LRRC74A: variants seen among roughly 807,000 people sequenced by gnomAD.
The protein encoded by LRRC74A is leucine-rich repeat-containing protein 74A.
In LRRC74A, 44 loss-of-function variants were observed where a neutral mutation model predicts 57.9. That is an observed-to-expected ratio of 0.76 (90% CI 0.60 to 0.98). The LOEUF is 0.98. Among genes scored for constraint, LRRC74A ranks in the 50% least tolerant of loss-of-function variants. The pLI is 0.00. For missense variants in LRRC74A, 572 were observed against 574.0 expected, an observed-to-expected ratio of 1.00 and a Z score of 0.04; for synonymous variants, 211 against 219.4, an observed-to-expected ratio of 0.96 and a Z score of 0.34.
intron 5 of LRRC74A, among the ~76,000 whole-genome samples, chr14:76,841,327 CCA>C (rs1388575319): frequency 6.6e-6 from 1 of 152,238 alleles, no homozygotes; most frequent in Non-Finnish European, 1.5e-5. Flanking sequence ...CAGGCATGAG[CCA>C]CTGTGCCCAG....
rs1349578837 is a variant in LRRC74A, at chr14:76,864,418, G to C, written c.1201-1550G>C. Among the ~76,000 whole-genome samples, 9 of 125,628 alleles carry C rather than the reference G, an allele frequency of 7.2e-5. 1 individual carries two copies. In the East Asian group the frequency reaches 1.6e-3, roughly 23 times the overall value. The allele number at this position is 125,628 out of a possible 152,430, so 82.4% of individuals were successfully genotyped here. Reference sequence around the variant, plus strand: ...TTCTGAGAGTGAGAGGAAGGGGGGGGGGGGGTGGCGGGGGGAAGGGGGGTG... The same window carrying C: ...TTCTGAGAGTGAGAGGAAGGGGGGGCGGGGGTGGCGGGGGGAAGGGGGGTG... On this transcript the variant is annotated intron_variant, in intron 11 of 13. Transcript: ENST00000689127.
intron 2 of LRRC74A, chr14:76,829,179 C>T (rs1022638952): frequency 1.6e-6 from 2 of 1,289,250 alleles, no homozygotes; most frequent in Non-Finnish European, 2.0e-6. Flanking sequence ...CCTCAAACTT[C>T]CCAGGCCAAG....
intron 4 of LRRC74A, among the ~76,000 whole-genome samples, chr14:76,837,202 A>G (rs866620627): frequency 6.6e-6 from 1 of 152,242 alleles, no homozygotes; most frequent in Admixed American, 6.5e-5. Flanking sequence ...TCTTAAAGAA[A>G]GTAAAGACAT....
chr14:76,853,925 T>A (rs1232346546), intron 9 of LRRC74A, among the ~76,000 whole-genome samples: 1 of 152,108 alleles, frequency 6.6e-6, no homozygotes, highest in Non-Finnish European at 1.5e-5. Context: ...GCCCTCAGAA[T>A]GTGCTTTTTG....
At position 76,844,565 on chromosome 14, in the gene LRRC74A, T is replaced by C. The variant is rs569580965; in HGVS notation, c.594+93T>C. ...TGCTATGGGCACAGTAACGTGAGGC[T>C]ACTTTCACATGTTAGGGACTGGGGA... is the stretch of plus-strand genomic sequence containing the variant. On this transcript the variant is annotated intron_variant, in intron 6 of 13. Coordinates refer to ENST00000689127, the MANE Select transcript of LRRC74A (RefSeq NM_001385106.1). 57 of 1,286,362 alleles carry C rather than the reference T, an allele frequency of 4.4e-5. No individual in the cohort carries two copies. In the Admixed American group the frequency reaches 9.4e-4, roughly 21 times the overall value. 79.7% of individuals were successfully genotyped at this position (1,286,362 alleles called of 1,614,324 possible).
At chr14:76,851,968 C>T (rs529599733) in intron 7 of LRRC74A, among the ~76,000 whole-genome samples, 6 of 152,134 alleles carry the variant, frequency 3.9e-5, no homozygotes, top group South Asian at 2.1e-4. Flanking sequence ...CTGGCTAATT[C>T]TTACTTTTAT....
intron 11 of LRRC74A, among the ~76,000 whole-genome samples, chr14:76,861,897 G>C (rs1898342463): frequency 6.6e-6 from 1 of 152,228 alleles, no homozygotes; most frequent in Admixed American, 6.5e-5. Context: ...CAGTGGGTCT[G>C]CTCTGTGCCT....
chr14:76,860,590 AACTTCCTG>A (rs142597491), intron 10 of LRRC74A, 95 bp from the exon 11 acceptor site: 18,998 of 1,213,114 alleles, frequency 0.016, 916 homozygotes, highest in East Asian at 0.12. Context: ...GAAGAGACAA[AACTTCCTG>A]ACTTTGGCTT....
At chr14:76,859,204 T>C (rs891532651) in intron 10 of LRRC74A, among the ~76,000 whole-genome samples, 2 of 152,098 alleles carry the variant, frequency 1.3e-5, no homozygotes, top group East Asian at 3.9e-4. Flanking sequence ...TTGGAAGGCA[T>C]GGACCCAGGC....
intron 3 of LRRC74A, among the ~76,000 whole-genome samples, chr14:76,835,598 AC>A (rs1896271984): frequency 6.6e-6 from 1 of 152,278 alleles, no homozygotes; most frequent in African/African-American, 2.4e-5. Context: ...TAAAGAGAGT[AC>A]CAGAGCGAGG....
intron 10 of LRRC74A, among the ~76,000 whole-genome samples, chr14:76,859,210 C>G (rs1898107538): frequency 1.3e-5 from 2 of 152,102 alleles, no homozygotes; most frequent in Admixed American, 1.3e-4. Flanking sequence ...GGCATGGACC[C>G]AGGCACTGCC....
chr14:76,843,663 C>T (rs1896930387), intron 5 of LRRC74A, among the ~76,000 whole-genome samples: 1 of 152,074 alleles, frequency 6.6e-6, no homozygotes, highest in Non-Finnish European at 1.5e-5. Flanking sequence ...TGCTTTAAGT[C>T]CCTTCCTGTC....
intron 2 of LRRC74A, among the ~76,000 whole-genome samples, chr14:76,830,248 A>G: frequency 6.6e-6 from 1 of 151,976 alleles, no homozygotes; most frequent in Non-Finnish European, 1.5e-5. Flanking sequence ...TTGGAGGGGG[A>G]GGGGGTTGGC....
intron 13 of LRRC74A, 70 bp downstream of exon 13, chr14:76,867,508 C>T: frequency 1.3e-6 from 1 of 799,450 alleles, no homozygotes; most frequent in South Asian, 1.4e-5. Flanking sequence ...TGAGCTCCTC[C>T]AGCTTTCCTG....
At chr14:76,857,180 G>T (rs1897965253) in intron 9 of LRRC74A, among the ~76,000 whole-genome samples, 200 bp from the exon 10 acceptor site, 1 of 138,904 alleles carries the variant, frequency 7.2e-6, no homozygotes, top group Non-Finnish European at 1.5e-5. Context: ...ATGGATGGAT[G>T]AATGGATGGA....
chr14:76,839,424 C>G (rs1055009670), intron 5 of LRRC74A, among the ~76,000 whole-genome samples: 1 of 152,204 alleles, frequency 6.6e-6, no homozygotes, highest in African/African-American at 2.4e-5. Context: ...AGCTTTGACA[C>G]TGGGCAAGTT....
At chr14:76,857,177 GATGA>G (rs998829959) in intron 9 of LRRC74A, among the ~76,000 whole-genome samples, 199 bp from the exon 10 acceptor site, 9 of 138,748 alleles carry the variant, frequency 6.5e-5, no homozygotes, top group East Asian at 4.9e-4. Flanking sequence ...TAGATGGATG[GATGA>G]ATGGATGGAT....
chr14:76,848,276 T>G (rs1374236759), intron 7 of LRRC74A, among the ~76,000 whole-genome samples: 1 of 150,088 alleles, frequency 6.7e-6, no homozygotes, highest in African/African-American at 2.5e-5. Flanking sequence ...ACTTAAAGTA[T>G]GATAAAAAAA....
rs1896430611 is a variant in LRRC74A, at chr14:76,837,371, A to G, written c.448-504A>G. 2.0e-5 allele frequency among the ~76,000 whole-genome samples: 3 copies of G among 152,142 alleles called. No homozygotes were observed. The South Asian group carries it at 6.2e-4, about 31-fold the overall frequency. On this transcript the variant is annotated intron_variant, in intron 4 of 13. Transcript: ENST00000689127. Reference sequence around the variant, plus strand: ...TACCATCATAAAAAGAAATTCAAAGAAAAGGGGGAACAACCAATTAAGACA... The same window carrying G: ...TACCATCATAAAAAGAAATTCAAAGGAAAGGGGGAACAACCAATTAAGACA...
Sources: gnomAD v4.1 joint callset for allele counts (sites outside exome capture counted in the v4.1 genomes callset) on GRCh38, gnomAD v4.1.1 for gene constraint, MANE v1.5 for transcripts, NCBI Gene and HGNC (gene_info 2026-07-23, HGNC 2026-07-21) for gene names.